Variants in DOK5 observed in about 807,000 individuals in gnomAD.
DOK5 encodes the protein docking protein 5.
In DOK5, 27 loss-of-function variants were observed where a neutral mutation model predicts 43.3. The observed-to-expected ratio is 0.62, with a 90% CI of 0.46 to 0.86. DOK5 has a LOEUF of 0.86. DOK5 is among the 40% of genes least tolerant of loss of function. The pLI, the probability that DOK5 is intolerant of heterozygous loss-of-function variation, is 0.00. For synonymous variants in DOK5, 146 were observed against 140.1 expected (o/e 1.04, Z -0.30); for missense variants, 373 against 392.9 (o/e 0.95, Z 0.43).
intron 6 of DOK5, among the ~76,000 whole-genome samples, chr20:54,620,239 T>TATTG (rs751350908): frequency 2.0e-5 from 3 of 152,208 alleles, no homozygotes; most frequent in Admixed American, 6.5e-5. Flanking sequence ...ATCTTTTATT[T>TATTG]ATTGATTGAT....
intron 2 of DOK5, among the ~76,000 whole-genome samples, chr20:54,565,330 C>CCT (rs1003182431): frequency 2.6e-4 from 40 of 152,042 alleles, no homozygotes; most frequent in African/African-American, 9.7e-4. Flanking sequence ...ATGAATGTGG[C>CCT]CTCTCTCTCT....
intron 2 of DOK5, among the ~76,000 whole-genome samples, chr20:54,565,984 C>G (rs1392861438): frequency 6.7e-6 from 1 of 150,142 alleles, no homozygotes; most frequent in Non-Finnish European, 1.5e-5. Context: ...CGTCACTGCA[C>G]TCCAGCCTGG....
At chr20:54,519,757 A>G (rs774285112) in intron 1 of DOK5, among the ~76,000 whole-genome samples, 8 of 152,244 alleles carry the variant, frequency 5.3e-5, no homozygotes, top group African/African-American at 1.9e-4. Flanking sequence ...GATGCATTCA[A>G]TAACTATGTT....
intron 2 of DOK5, among the ~76,000 whole-genome samples, chr20:54,561,996 C>T (rs141958300): frequency 2.0e-5 from 3 of 152,270 alleles, no homozygotes; most frequent in Non-Finnish European, 4.4e-5. Flanking sequence ...CTCTTGTGTG[C>T]ACCAGAGTCC....
intron 5 of DOK5, among the ~76,000 whole-genome samples, chr20:54,609,265 A>G (rs532046727): frequency 6.6e-6 from 1 of 152,322 alleles, no homozygotes; most frequent in East Asian, 1.9e-4. Flanking sequence ...CAGGCACTGA[A>G]GCTACCGTTC....
chr20:54,640,426 G>A (rs964269846), intron 6 of DOK5, among the ~76,000 whole-genome samples: 7 of 152,140 alleles, frequency 4.6e-5, no homozygotes, highest in South Asian at 2.1e-4. Flanking sequence ...AAGAGGGAGC[G>A]GAAACCTGCC....
chr20:54,539,076 T>A (rs1984051198), intron 1 of DOK5, among the ~76,000 whole-genome samples: 1 of 150,332 alleles, frequency 6.7e-6, no homozygotes, highest in Non-Finnish European at 1.5e-5. Flanking sequence ...AGGTCAGGAG[T>A]TCAAGACCAG....
intron 1 of DOK5, among the ~76,000 whole-genome samples, chr20:54,550,181 A>AC (rs796556087): frequency 5.1e-4 from 44 of 85,672 alleles, no homozygotes; most frequent in African/African-American, 4.3e-3. Flanking sequence ...ATTGGATGGC[A>AC]AAAAAAAAAA....
At chr20:54,486,571 GCA>G (rs144765725) in intron 1 of DOK5, among the ~76,000 whole-genome samples, 6,109 of 149,416 alleles carry the variant, frequency 0.041, 424 homozygotes, top group African/African-American at 0.14. Flanking sequence ...ACACACACAT[GCA>G]CACACACACA....
intron 2 of DOK5, among the ~76,000 whole-genome samples, chr20:54,565,900 C>T (rs962529829): frequency 6.6e-6 from 1 of 151,808 alleles, no homozygotes; most frequent in Non-Finnish European, 1.5e-5. Context: ...TGCCTGTAGT[C>T]CCAGCTACTC....
At chr20:54,550,932 T>C (rs1465743049) in intron 1 of DOK5, among the ~76,000 whole-genome samples, 2 of 152,182 alleles carry the variant, frequency 1.3e-5, no homozygotes, top group Non-Finnish European at 2.9e-5. Flanking sequence ...AGAATGAAAC[T>C]TCTGGTTGTA....
intron 6 of DOK5, among the ~76,000 whole-genome samples, chr20:54,625,001 AT>A (rs371119876): frequency 1.3e-3 from 192 of 148,288 alleles, no homozygotes; most frequent in African/African-American, 4.6e-3. Context: ...TCTTACCCAC[AT>A]TTTTTTTTCT....
intron 1 of DOK5, among the ~76,000 whole-genome samples, chr20:54,501,976 G>A (rs1046058651): frequency 1.3e-5 from 2 of 152,170 alleles, no homozygotes; most frequent in African/African-American, 2.4e-5. Flanking sequence ...CATTGAATTT[G>A]GTTTTGTGGC....
intron 1 of DOK5, among the ~76,000 whole-genome samples, chr20:54,542,499 A>G (rs966159682): frequency 6.6e-6 from 1 of 152,234 alleles, no homozygotes; most frequent in Admixed American, 6.5e-5. Flanking sequence ...AAAAGCATAT[A>G]TAACTTTCTG....
At chr20:54,571,110 T>C (rs1985267003) in intron 2 of DOK5, among the ~76,000 whole-genome samples, 1 of 152,228 alleles carries the variant, frequency 6.6e-6, no homozygotes, top group African/African-American at 2.4e-5. Flanking sequence ...GAGTGTTGAG[T>C]ATTTCTTTCT....
At chr20:54,574,660 A>G (rs1166849698) in intron 2 of DOK5, among the ~76,000 whole-genome samples, 1 of 152,228 alleles carries the variant, frequency 6.6e-6, no homozygotes, top group East Asian at 1.9e-4. Context: ...TATATTAGTG[A>G]AAAGCATTGT....
intron 1 of DOK5, among the ~76,000 whole-genome samples, chr20:54,480,001 G>A (rs6098008): frequency 0.17 from 26,519 of 151,778 alleles, 3,622 homozygotes; most frequent in African/African-American, 0.38. Context: ...ACCCTGGTCC[G>A]AACCCTCCTC....
At chr20:54,483,695 A>AC (rs1287901619) in intron 1 of DOK5, among the ~76,000 whole-genome samples, 51 of 151,692 alleles carry the variant, frequency 3.4e-4, no homozygotes, top group African/African-American at 6.5e-4. Context: ...TTATGGTGCG[A>AC]CCCCCCCGTT....
chr20:54,562,715 G>A (rs1020396060), intron 2 of DOK5, among the ~76,000 whole-genome samples: 8 of 151,878 alleles, frequency 5.3e-5, no homozygotes, highest in African/African-American at 1.9e-4. Context: ...ACTGTGCCAG[G>A]CCTCATTTGT....
Sources: gnomAD v4.1 joint callset for allele counts (sites outside exome capture counted in the v4.1 genomes callset) on GRCh38, gnomAD v4.1.1 for gene constraint, MANE v1.5 for transcripts, NCBI Gene and HGNC (gene_info 2026-07-23, HGNC 2026-07-21) for gene names.